PCED1B: variants seen among roughly 807,000 people sequenced by gnomAD.
PCED1B encodes the protein PC-esterase domain containing 1B.
For missense variants in PCED1B, 573 were observed against 573.9 expected, an observed-to-expected ratio of 1.00 and a Z score of 0.02; for synonymous variants, 251 against 246.1, an observed-to-expected ratio of 1.02 and a Z score of -0.19.
chr12:47,177,847 T>C (rs1941973351), intron 2 of PCED1B, among the ~76,000 whole-genome samples: 2 of 151,970 alleles, frequency 1.3e-5, no homozygotes, highest in Admixed American at 6.6e-5. Context: ...CTCAGGAGGC[T>C]GGGGCAGGAG....
At chr12:47,169,312 G>A (rs966532553) in intron 2 of PCED1B, among the ~76,000 whole-genome samples, 8 of 152,116 alleles carry the variant, frequency 5.3e-5, no homozygotes, top group South Asian at 2.1e-4. Context: ...TCCCATCTTC[G>A]GTGATAAAGG....
At chr12:47,167,090 T>C (rs1454782802) in intron 2 of PCED1B, among the ~76,000 whole-genome samples, 2 of 152,190 alleles carry the variant, frequency 1.3e-5, no homozygotes, top group South Asian at 2.1e-4. Flanking sequence ...GCTTTCTCCA[T>C]TGATAAGAGT....
chr12:47,085,612 T>C (rs966024655), intron 1 of PCED1B, among the ~76,000 whole-genome samples: 2 of 152,130 alleles, frequency 1.3e-5, no homozygotes, highest in Non-Finnish European at 2.9e-5. Flanking sequence ...AGCAAAAAAA[T>C]TACAAAATGG....
intron 2 of PCED1B, among the ~76,000 whole-genome samples, chr12:47,142,365 G>T (rs1349591200): frequency 6.6e-6 from 1 of 152,140 alleles, no homozygotes; most frequent in Non-Finnish European, 1.5e-5. Flanking sequence ...ACTGGAAAAG[G>T]TGTTTGCTCC....
At chr12:47,183,892 C>T (rs760587303) in intron 2 of PCED1B, among the ~76,000 whole-genome samples, 24 of 152,142 alleles carry the variant, frequency 1.6e-4, no homozygotes, top group Non-Finnish European at 2.1e-4. Context: ...CAAGGGCCCC[C>T]GCACCAGTTG....
At chr12:47,224,583 C>T (rs214711) in intron 3 of PCED1B, among the ~76,000 whole-genome samples, 113,369 of 152,166 alleles carry the variant, frequency 0.75, 42,764 homozygotes, top group African/African-American at 0.86. Flanking sequence ...TGTGATTACA[C>T]GGAGCCCAGT....
chr12:47,100,871 C>T (rs994480168), intron 1 of PCED1B, among the ~76,000 whole-genome samples: 3 of 152,126 alleles, frequency 2.0e-5, no homozygotes, highest in Admixed American at 2.0e-4. Context: ...AGTTCGAGAC[C>T]AGCCTGGCCA....
chr12:47,194,489 C>T (rs1434195338), intron 2 of PCED1B, among the ~76,000 whole-genome samples: 5 of 152,112 alleles, frequency 3.3e-5, no homozygotes, highest in Non-Finnish European at 7.4e-5. Context: ...GGTCTCTTTA[C>T]AGGTACTGGA....
At chr12:47,144,073 A>G (rs1173099089) in intron 2 of PCED1B, among the ~76,000 whole-genome samples, 1 of 152,162 alleles carries the variant, frequency 6.6e-6, no homozygotes, top group Non-Finnish European at 1.5e-5. Flanking sequence ...GAAAGAAACC[A>G]TGCCCCCACA....
intron 1 of PCED1B, among the ~76,000 whole-genome samples, chr12:47,103,778 T>G (rs1259938433): frequency 1.3e-5 from 2 of 152,074 alleles, no homozygotes; most frequent in African/African-American, 4.8e-5. Flanking sequence ...CCACCCAAGC[T>G]CAAAGCCGTA....
intron 1 of PCED1B, among the ~76,000 whole-genome samples, chr12:47,081,294 C>G (rs1007714288): frequency 6.6e-6 from 1 of 152,152 alleles, no homozygotes; most frequent in African/African-American, 2.4e-5. Flanking sequence ...GGACAACCAA[C>G]TCTTCCTCCC....
At chr12:47,085,798 A>G (rs1429396630) in intron 1 of PCED1B, among the ~76,000 whole-genome samples, 1 of 152,202 alleles carries the variant, frequency 6.6e-6, no homozygotes, top group Non-Finnish European at 1.5e-5. Flanking sequence ...GAGAAGAAAA[A>G]GTACAATGAA....
chr12:47,110,274 C>T (rs1182623943), intron 2 of PCED1B, among the ~76,000 whole-genome samples: 2 of 152,180 alleles, frequency 1.3e-5, no homozygotes, highest in Non-Finnish European at 2.9e-5. Context: ...TCTGTCCCCA[C>T]TTTGAGGTTA....
intron 2 of PCED1B, among the ~76,000 whole-genome samples, chr12:47,154,296 C>T (rs897606727): frequency 8.5e-5 from 13 of 152,168 alleles, no homozygotes; most frequent in Non-Finnish European, 1.8e-4. Flanking sequence ...TAAGTGTACT[C>T]TATGACTTCC....
chr12:47,157,354 C>G (rs1190571413), intron 2 of PCED1B, among the ~76,000 whole-genome samples: 1 of 151,986 alleles, frequency 6.6e-6, no homozygotes, highest in East Asian at 1.9e-4. Context: ...TTTGGGAGAC[C>G]AAGGCAGGAA....
intron 1 of PCED1B, among the ~76,000 whole-genome samples, chr12:47,093,620 C>T (rs1055365027): frequency 1.1e-4 from 16 of 151,890 alleles, no homozygotes; most frequent in African/African-American, 3.9e-4. Context: ...AGTTTTTTCA[C>T]ATGATTTTTC....
At chr12:47,169,330 C>A (rs1276075707) in intron 2 of PCED1B, among the ~76,000 whole-genome samples, 2 of 152,182 alleles carry the variant, frequency 1.3e-5, no homozygotes, top group Non-Finnish European at 2.9e-5. Context: ...AGGTGTCCTT[C>A]TCTCTGAGTA....
chr12:47,100,934 T>C (rs1375468341), intron 1 of PCED1B, among the ~76,000 whole-genome samples: 1 of 152,056 alleles, frequency 6.6e-6, no homozygotes, highest in Admixed American at 6.5e-5. Context: ...CCGGGCATGG[T>C]GATGCATGCC....
chr12:47,149,935 T>G (rs1418463240), intron 2 of PCED1B, among the ~76,000 whole-genome samples: 1 of 152,220 alleles, frequency 6.6e-6, no homozygotes, highest in Non-Finnish European at 1.5e-5. Context: ...CATCTTAAGA[T>G]ATTTCTTTTT....
Sources: gnomAD v4.1 joint callset for allele counts (sites outside exome capture counted in the v4.1 genomes callset) on GRCh38, gnomAD v4.1.1 for gene constraint, MANE v1.5 for transcripts, NCBI Gene and HGNC (gene_info 2026-07-23, HGNC 2026-07-21) for gene names.